The following GLIS3 variants were observed in gnomAD, a reference collection of about 807,000 sequenced individuals.
GLIS3 encodes the protein zinc finger protein GLIS3.
Under a neutral mutation model 78.6 loss-of-function variants are expected in GLIS3, and 53 were observed. The ratio of observed to expected loss-of-function variants is 0.67; its 90% confidence interval spans 0.54 to 0.85. GLIS3 has a LOEUF of 0.85. Ranked by LOEUF, GLIS3 falls within the 40% of genes least tolerant of loss-of-function variation. The probability of loss-of-function intolerance (pLI) is 0.00; values close to 1 mark genes in which losing one functional copy is unlikely to be tolerated. For synonymous variants in GLIS3, 684 were observed against 509.9 expected (o/e 1.34, Z -4.60); for missense variants, 1,703 against 1,231.1 (o/e 1.38, Z -5.74).
At chr9:3,990,889 A>C (rs992829802) in intron 4 of GLIS3, among the ~76,000 whole-genome samples, 12 of 152,150 alleles carry the variant, frequency 7.9e-5, no homozygotes. Context: ...CCCTGACATC[A>C]AGCATGCCCT....
chr9:4,183,789 G>T (rs1477659069), intron 2 of GLIS3, among the ~76,000 whole-genome samples: 6 of 152,170 alleles, frequency 3.9e-5, no homozygotes, highest in African/African-American at 1.4e-4. Context: ...GCCTGGTCAT[G>T]ATTCTGAATG....
rs117028251 is a variant in GLIS3, at chr9:4,062,407, T to C, written c.1710+55361A>G. On this transcript the variant is annotated intron_variant, in intron 4 of 10. Coordinates refer to ENST00000381971, the MANE Select transcript of GLIS3 (RefSeq NM_001042413.2). ...CTTCTGTACCCCAGTTGCTGCTACATATAAGGCTTAGCTTTAATCATACAA... is the reference window on the plus strand; with the variant it reads ...CTTCTGTACCCCAGTTGCTGCTACACATAAGGCTTAGCTTTAATCATACAA... Among the ~76,000 whole-genome samples, 86 of 152,292 alleles carry C rather than the reference T, an allele frequency of 5.6e-4. 2 individuals are homozygous for C. In the East Asian group the frequency reaches 6.2e-3, roughly 11 times the overall value.
intron 4 of GLIS3, among the ~76,000 whole-genome samples, chr9:4,099,769 T>C (rs916353296): frequency 1.1e-4 from 16 of 152,228 alleles, no homozygotes; most frequent in Admixed American, 9.8e-4. Context: ...AAGAGAAATA[T>C]CATATTTTAA....
At chr9:4,221,612 G>C (rs1160167126) in intron 2 of GLIS3, among the ~76,000 whole-genome samples, 1 of 151,828 alleles carries the variant, frequency 6.6e-6, no homozygotes, top group Non-Finnish European at 1.5e-5. Flanking sequence ...TAATATCAAA[G>C]AATGTCTGAA....
chr9:3,867,787 G>A (rs967975830), intron 8 of GLIS3, among the ~76,000 whole-genome samples: 1 of 151,952 alleles, frequency 6.6e-6, no homozygotes, highest in Non-Finnish European at 1.5e-5. Context: ...GCATGCACAT[G>A]TGTTGGGTAA....
intron 4 of GLIS3, among the ~76,000 whole-genome samples, chr9:4,033,056 G>T (rs999219167): frequency 1.3e-5 from 2 of 151,902 alleles, no homozygotes; most frequent in African/African-American, 4.8e-5. Context: ...GGTTTCACCG[G>T]GTTAGCCAGG....
At chr9:3,902,076 C>T (rs949480840) in intron 6 of GLIS3, among the ~76,000 whole-genome samples, 14 of 152,198 alleles carry the variant, frequency 9.2e-5, no homozygotes, top group African/African-American at 3.4e-4. Context: ...AGGGTTACTT[C>T]TGGCATCAAA....
At chr9:4,183,373 T>G (rs1183096708) in intron 2 of GLIS3, among the ~76,000 whole-genome samples, 1 of 152,226 alleles carries the variant, frequency 6.6e-6, no homozygotes, top group Non-Finnish European at 1.5e-5. Flanking sequence ...GATGTCTCCA[T>G]GCCATTCATT....
chr9:3,861,890 T>G (rs562445585), intron 8 of GLIS3, among the ~76,000 whole-genome samples: 1 of 152,338 alleles, frequency 6.6e-6, no homozygotes, highest in East Asian at 1.9e-4. Context: ...GGCACATGTT[T>G]ACTTCTGTAA....
chr9:4,198,240 A>C (rs1819045706), intron 2 of GLIS3, among the ~76,000 whole-genome samples: 1 of 152,236 alleles, frequency 6.6e-6, no homozygotes, highest in South Asian at 2.1e-4. Flanking sequence ...AGGTTGAAAA[A>C]GCAACACAAA....
At chr9:3,930,291 C>G (rs1225460783) in intron 6 of GLIS3, among the ~76,000 whole-genome samples, 1 of 152,138 alleles carries the variant, frequency 6.6e-6, no homozygotes, top group African/African-American at 2.4e-5. Flanking sequence ...ACATCAAAAG[C>G]TAAGCCATTT....
chr9:4,294,466 A>G (rs1347174086), intron 1 of GLIS3, among the ~76,000 whole-genome samples: 1 of 151,962 alleles, frequency 6.6e-6, no homozygotes, highest in Non-Finnish European at 1.5e-5. Context: ...CCAAGATCAC[A>G]CCATTGCTTT....
chr9:4,390,604 C>T, the GLIS3 span, among the ~76,000 whole-genome samples: 47 of 152,242 alleles, frequency 3.1e-4, no homozygotes, highest in African/African-American at 1.1e-3. Flanking sequence ...GTCTCTCTGG[C>T]CTCATACAGA....
intron 4 of GLIS3, among the ~76,000 whole-genome samples, chr9:3,996,756 G>C (rs1411073661): frequency 6.6e-6 from 1 of 151,924 alleles, no homozygotes; most frequent in Non-Finnish European, 1.5e-5. Context: ...GGTTTTTTTA[G>C]AAGAATAATA....
intron 7 of GLIS3, among the ~76,000 whole-genome samples, chr9:3,892,091 G>A (rs537950044): frequency 6.6e-6 from 1 of 152,248 alleles, no homozygotes; most frequent in South Asian, 2.1e-4. Context: ...GGTGTTAGTA[G>A]AAACGCCAGG....
At chr9:4,310,483 G>A (rs2130524423) in exon 3 of GLIS3, 1 of 152,178 alleles carries the variant, frequency 6.6e-6, no homozygotes, top group East Asian at 1.9e-4. Context: ...CTCTCCACCT[G>A]GTCCAAGAAG....
At chr9:4,297,351 G>C (rs7872368) in intron 1 of GLIS3, among the ~76,000 whole-genome samples, 6 of 152,204 alleles carry the variant, frequency 3.9e-5, no homozygotes, top group African/African-American at 1.4e-4. Flanking sequence ...GTGAGGCCTT[G>C]GGCAAAACCT....
chr9:4,102,185 C>A (rs1239306290), intron 4 of GLIS3, among the ~76,000 whole-genome samples: 1 of 152,134 alleles, frequency 6.6e-6, no homozygotes, highest in African/African-American at 2.4e-5. Flanking sequence ...TATAAGAAAA[C>A]CCCAGGGTCA....
chr9:4,436,096 A>G, the GLIS3 span, among the ~76,000 whole-genome samples: 1 of 152,242 alleles, frequency 6.6e-6, no homozygotes, highest in African/African-American at 2.4e-5. Flanking sequence ...TGACGCCAAA[A>G]TATTTTAGAC....
Sources: gnomAD v4.1 joint callset for allele counts (sites outside exome capture counted in the v4.1 genomes callset) on GRCh38, gnomAD v4.1.1 for gene constraint, MANE v1.5 for transcripts, NCBI Gene and HGNC (gene_info 2026-07-23, HGNC 2026-07-21) for gene names.